FOXN3: variants seen among roughly 807,000 people sequenced by gnomAD.
FOXN3 encodes the protein forkhead box protein N3.
Under a neutral mutation model 38.4 loss-of-function variants are expected in FOXN3, and 7 were observed. The observed-to-expected ratio is 0.18, with a 90% CI of 0.10 to 0.34. The LOEUF (loss-of-function observed/expected upper bound fraction) is 0.34, where lower values mean the gene tolerates loss of function less well. Ranked by LOEUF, FOXN3 falls within the 10% of genes least tolerant of loss-of-function variation. The pLI is 1.00. For synonymous variants in FOXN3, 230 were observed against 242.2 expected, an observed-to-expected ratio of 0.95 and a Z score of 0.47; for missense variants, 456 against 613.4, an observed-to-expected ratio of 0.74 and a Z score of 2.71.
chr14:89,171,199 A>C (rs2139783875), intron 5 of FOXN3, among the ~76,000 whole-genome samples: 1 of 152,314 alleles, frequency 6.6e-6, no homozygotes, highest in Non-Finnish European at 1.5e-5. Context: ...AATATATTTG[A>C]AAAGAAAAAC....
rs186420522 is a variant in FOXN3 at position 89,432,606 on chromosome 14, A to G, written c.-14-20116T>C. 1.7e-3 allele frequency among the ~76,000 whole-genome samples: 255 copies of G among 152,182 alleles called. 1 individual carries two copies. The highest frequency in any genetic ancestry group is 6.0e-3 in the African/African-American group (249 of 41,504). On this transcript the variant is annotated intron_variant, in intron 1 of 6. Coordinates refer to the FOXN3 transcript ENST00000345097. ...CTCATTTGCCAGAAGTGAAATGCAA[A>G]CTTAAAGATCCCCATGTCCCTCTGG...
At chr14:89,425,068 T>C (rs1461302248) in intron 1 of FOXN3, among the ~76,000 whole-genome samples, 7 of 143,052 alleles carry the variant, frequency 4.9e-5, no homozygotes, top group Non-Finnish European at 7.7e-5. Flanking sequence ...TTTTCTTTTT[T>C]TTTTTTTTTT....
intron 5 of FOXN3, among the ~76,000 whole-genome samples, chr14:89,168,871 GA>G (rs976104692): frequency 2.0e-5 from 3 of 152,138 alleles, no homozygotes; most frequent in Non-Finnish European, 2.9e-5. Flanking sequence ...GTAGTAGAAA[GA>G]AAACGTATCG....
At chr14:89,572,878 T>C (rs1194686354) in intron 1 of FOXN3, among the ~76,000 whole-genome samples, 3 of 152,208 alleles carry the variant, frequency 2.0e-5, no homozygotes, top group Admixed American at 2.0e-4. Flanking sequence ...TTCCATGCCA[T>C]GCAAATGAGT....
At chr14:89,296,825 C>T (rs574999361) in intron 3 of FOXN3, among the ~76,000 whole-genome samples, 1 of 152,164 alleles carries the variant, frequency 6.6e-6, no homozygotes, top group South Asian at 2.1e-4. Flanking sequence ...TTAGTAGAGG[C>T]GGGGTTTTGC....
At chr14:89,244,589 A>T (rs1251512335) in intron 4 of FOXN3, among the ~76,000 whole-genome samples, 1 of 152,230 alleles carries the variant, frequency 6.6e-6, no homozygotes, top group Non-Finnish European at 1.5e-5. Context: ...TCAGGATAAG[A>T]CCAGTATAAG....
chr14:89,360,260 A>T (rs1169589132), intron 2 of FOXN3, among the ~76,000 whole-genome samples: 1 of 147,912 alleles, frequency 6.8e-6, no homozygotes, highest in African/African-American at 2.5e-5. Context: ...GAGGAAGGAG[A>T]GAGGGAAAGA....
chr14:89,164,835 C>A lies in FOXN3; in HGVS notation c.852-1866G>T. Among the ~76,000 whole-genome samples the A allele has an allele frequency of 6.6e-6, 1 of 152,092 alleles. No individual in the cohort carries two copies. The highest frequency in any genetic ancestry group is 2.4e-5 in the African/African-American group (1 of 41,400). On this transcript the variant is annotated intron_variant, in intron 5 of 5. Coordinates refer to ENST00000557258, the MANE Select transcript of FOXN3 (RefSeq NM_005197.4). This position sits in a 1 kb window ranked among gnomAD's most constrained non-coding sequence, Gnocchi z 4.3. ...CCTGTCACCCTCATGGGCCTTGAGG[C>A]TCAGGGAGACTTCAGCTGCATCCCA... is the stretch of plus-strand genomic sequence containing the variant.
At chr14:89,171,594 C>T (rs559358812) in intron 5 of FOXN3, among the ~76,000 whole-genome samples, 21 of 151,834 alleles carry the variant, frequency 1.4e-4, no homozygotes, top group South Asian at 8.3e-4. Context: ...TTGTTCAAAA[C>T]GACAAATTTA....
Position 89,562,841 on chromosome 14 carries a change from C to G in FOXN3, c.-15+56187G>C, listed in dbSNP as rs995027794. ...AATGATGACATCTGCGTTACCACAG[C>G]AATTCACCTATCAAACTAATTTAGG... On this transcript the variant is annotated intron_variant, in intron 1 of 6. Transcript: ENST00000345097. Among the ~76,000 whole-genome samples, 12 of 152,324 alleles carry G rather than the reference C, an allele frequency of 7.9e-5. No homozygotes were observed. The East Asian group carries it at 2.3e-3, about 29-fold the overall frequency.
chr14:89,229,511 C>A (rs1235321603), intron 4 of FOXN3, among the ~76,000 whole-genome samples: 1 of 152,054 alleles, frequency 6.6e-6, no homozygotes, highest in Non-Finnish European at 1.5e-5. Context: ...CCATCTTCAC[C>A]CAAGTACACA....
chr14:89,601,657 C>T (rs1339735707), intron 1 of FOXN3, among the ~76,000 whole-genome samples: 1 of 152,176 alleles, frequency 6.6e-6, no homozygotes, highest in Non-Finnish European at 1.5e-5. Flanking sequence ...GAGCTAAATT[C>T]CTCTGCTTGT....
chr14:89,396,488 G>C (rs1483000238), intron 2 of FOXN3, among the ~76,000 whole-genome samples: 3 of 152,218 alleles, frequency 2.0e-5, no homozygotes, highest in Non-Finnish European at 4.4e-5. Flanking sequence ...ATCAGAGTAT[G>C]ATGGGGACCA....
intron 4 of FOXN3, among the ~76,000 whole-genome samples, chr14:89,277,921 A>G (rs1284185887): frequency 6.6e-6 from 1 of 152,018 alleles, no homozygotes. Context: ...TCTTTCTTGC[A>G]ATGACATTTT....
chr14:89,224,001 T>C (rs8017073), intron 4 of FOXN3, among the ~76,000 whole-genome samples: 2,886 of 151,956 alleles, frequency 0.019, 99 homozygotes, highest in African/African-American at 0.066. Context: ...AGAGAATCTG[T>C]CCATTAGAAT....
intron 1 of FOXN3, among the ~76,000 whole-genome samples, chr14:89,455,488 C>T (rs1312192304): frequency 6.6e-6 from 1 of 152,210 alleles, no homozygotes; most frequent in African/African-American, 2.4e-5. Context: ...GTTAAACTTG[C>T]TTCAAAGAAC....
At chr14:89,181,825 C>G (rs1470121820) in intron 4 of FOXN3, among the ~76,000 whole-genome samples, 1 of 152,222 alleles carries the variant, frequency 6.6e-6, no homozygotes, top group Admixed American at 6.5e-5. Flanking sequence ...TACCAAAAAC[C>G]CTCCCTACGT....
chr14:89,196,470 C>T (rs9972248), intron 4 of FOXN3, among the ~76,000 whole-genome samples: 2,593 of 152,266 alleles, frequency 0.017, 70 homozygotes, highest in African/African-American at 0.059. Flanking sequence ...TGGGTGGCTG[C>T]AGACTTGGAA....
At chr14:89,507,943 C>T (rs980636210) in intron 1 of FOXN3, among the ~76,000 whole-genome samples, 5 of 152,152 alleles carry the variant, frequency 3.3e-5, no homozygotes, top group African/African-American at 1.2e-4. Flanking sequence ...TTGATGTTCA[C>T]GCATGGAAAG....
Sources: allele counts gnomAD v4.1 joint callset (sites outside exome capture counted in the v4.1 genomes callset), GRCh38; gene constraint gnomAD v4.1.1; non-coding constraint Gnocchi (gnomAD v3.1); transcripts MANE v1.5; gene names NCBI Gene and HGNC (gene_info 2026-07-23, HGNC 2026-07-21).